NXPE2: variants seen among roughly 807,000 people sequenced by gnomAD.
NXPE2 encodes the protein NXPE family member 2.
In NXPE2, 34 loss-of-function variants were observed where a neutral mutation model predicts 34.4. The observed-to-expected ratio is 0.99, with a 90% CI of 0.75 to 1.31. NXPE2 has a LOEUF of 1.31. Among genes scored for constraint, NXPE2 ranks in the 40% most tolerant of loss-of-function variants. The pLI is 0.00. For missense variants in NXPE2, 649 were observed against 672.5 expected, an observed-to-expected ratio of 0.97 and a Z score of 0.39; for synonymous variants, 235 against 231.3, an observed-to-expected ratio of 1.02 and a Z score of -0.15.
chr11:114,654,309 AG>A, the NXPE2 span, among the ~76,000 whole-genome samples: 1 of 152,200 alleles, frequency 6.6e-6, no homozygotes, highest in Non-Finnish European at 1.5e-5. Context: ...ACCGGATCTC[AG>A]GAAAGTTGTT....
chr11:114,715,297 A>G, the NXPE2 span, among the ~76,000 whole-genome samples: 1 of 152,244 alleles, frequency 6.6e-6, no homozygotes, highest in East Asian at 1.9e-4. Context: ...GTTTTCAGAG[A>G]TTCATGCTTA....
At chr11:114,525,472 A>G in the NXPE2 span, among the ~76,000 whole-genome samples, 1 of 152,156 alleles carries the variant, frequency 6.6e-6, no homozygotes, top group Non-Finnish European at 1.5e-5. Context: ...CATTATCTGC[A>G]GAGCCGGGTC....
chr11:114,632,935 A>G, the NXPE2 span, among the ~76,000 whole-genome samples: 1 of 96,166 alleles, frequency 1.0e-5, no homozygotes, highest in African/African-American at 4.3e-5. Context: ...TTATATAATA[A>G]TATATATTAT....
At chr11:114,714,944 C>T in the NXPE2 span, among the ~76,000 whole-genome samples, 2 of 152,088 alleles carry the variant, frequency 1.3e-5, no homozygotes, top group African/African-American at 4.8e-5. Context: ...ATTGCTTAAC[C>T]CGGGAGACAG....
At chr11:114,660,146 T>A in the NXPE2 span, among the ~76,000 whole-genome samples, 74,336 of 151,770 alleles carry the variant, frequency 0.49, 19,601 homozygotes, top group East Asian at 0.79. Flanking sequence ...ACATTCCTAA[T>A]GAAAAATCTG....
the NXPE2 span, among the ~76,000 whole-genome samples, chr11:114,668,486 T>C: frequency 6.6e-6 from 1 of 152,012 alleles, no homozygotes; most frequent in Non-Finnish European, 1.5e-5. Flanking sequence ...AAGCACTATT[T>C]ATAACAGTGA....
the NXPE2 span, among the ~76,000 whole-genome samples, chr11:114,475,640 C>A: frequency 6.6e-6 from 1 of 152,124 alleles, no homozygotes; most frequent in Non-Finnish European, 1.5e-5. Context: ...TTCATGATGT[C>A]CCTCAGGCTG....
chr11:114,747,644 A>C, the NXPE2 span, among the ~76,000 whole-genome samples: 1 of 152,196 alleles, frequency 6.6e-6, no homozygotes. Context: ...GGAACTGCCA[A>C]GCACTTTAAA....
chr11:114,530,691 A>T, the NXPE2 span: 1 of 1,613,968 alleles, frequency 6.2e-7, no homozygotes, highest in Non-Finnish European at 8.5e-7. Context: ...TCGAGGGTTG[A>T]GGATGGTGGC....
chr11:114,802,731 T>C, the NXPE2 span, among the ~76,000 whole-genome samples: 8 of 152,320 alleles, frequency 5.3e-5, no homozygotes, highest in African/African-American at 1.7e-4. Context: ...TCTGTCTATA[T>C]CTCCAAGTAC....
the NXPE2 span, among the ~76,000 whole-genome samples, chr11:114,799,734 T>G: frequency 1.1e-4 from 17 of 152,318 alleles, no homozygotes; most frequent in East Asian, 3.3e-3. Context: ...GTGCCAGAGC[T>G]TCAACAGAGG....
the NXPE2 span, among the ~76,000 whole-genome samples, chr11:114,780,835 A>T: frequency 5.9e-5 from 9 of 152,202 alleles, no homozygotes; most frequent in Non-Finnish European, 1.2e-4. Context: ...AAAGGTGCTG[A>T]GGAGTGGCAG....
the NXPE2 span, among the ~76,000 whole-genome samples, chr11:114,636,043 C>A: frequency 1.3e-5 from 2 of 151,906 alleles, no homozygotes; most frequent in Admixed American, 6.6e-5. Context: ...AGGAACGGTA[C>A]CAGTTCCTCC....
chr11:114,573,856 A>G, the NXPE2 span, among the ~76,000 whole-genome samples: 1 of 152,084 alleles, frequency 6.6e-6, no homozygotes, highest in East Asian at 1.9e-4. Context: ...CCTAAAACAA[A>G]TGAACTTAAC....
chr11:114,758,516 T>C, the NXPE2 span, among the ~76,000 whole-genome samples: 2 of 152,186 alleles, frequency 1.3e-5, no homozygotes, highest in African/African-American at 4.8e-5. Context: ...AGGAGGAGAC[T>C]GGGATATATG....
the NXPE2 span, among the ~76,000 whole-genome samples, chr11:114,773,412 A>G: frequency 6.6e-6 from 1 of 151,732 alleles, no homozygotes; most frequent in African/African-American, 2.4e-5. Flanking sequence ...TTGACTCAAC[A>G]AAGTTTGCAT....
intron 2 of NXPE2, among the ~76,000 whole-genome samples, chr11:114,684,982 G>C (rs1951019527): frequency 6.6e-6 from 1 of 152,124 alleles, no homozygotes; most frequent in South Asian, 2.1e-4. Context: ...ATTAAGACTA[G>C]GAGCCAAGTT....
At chr11:114,603,015 TTC>T in the NXPE2 span, among the ~76,000 whole-genome samples, 1 of 151,210 alleles carries the variant, frequency 6.6e-6, no homozygotes, top group Non-Finnish European at 1.5e-5. Flanking sequence ...TATATAATAA[TTC>T]TCTCATATAT....
chr11:114,475,331 C>A, the NXPE2 span, among the ~76,000 whole-genome samples: 1 of 146,706 alleles, frequency 6.8e-6, no homozygotes, highest in Non-Finnish European at 1.5e-5. Context: ...ACAAGCTCCG[C>A]CTCCCGGGTT....
Sources: gnomAD v4.1 joint callset for allele counts (sites outside exome capture counted in the v4.1 genomes callset) on GRCh38, gnomAD v4.1.1 for gene constraint, MANE v1.5 for transcripts, NCBI Gene and HGNC (gene_info 2026-07-23, HGNC 2026-07-21) for gene names.